The following CELF4 variants were observed in gnomAD, a reference collection of about 807,000 sequenced individuals.
CELF4 encodes CUGBP Elav-like family member 4.
In CELF4, 18 loss-of-function variants were observed where a neutral mutation model predicts 59.9. That is an observed-to-expected ratio of 0.30 (90% CI 0.21 to 0.45). The LOEUF is 0.45. CELF4 is among the 20% of genes least tolerant of loss of function. The pLI is 1.00. For synonymous variants in CELF4, 261 were observed against 267.1 expected (o/e 0.98, Z 0.22); for missense variants, 456 against 689.0 (o/e 0.66, Z 3.79).
intron 3 of CELF4, among the ~76,000 whole-genome samples, chr18:37,310,718 GC>G (rs2096614659): frequency 1.3e-5 from 2 of 152,314 alleles, no homozygotes; most frequent in South Asian, 2.1e-4. Context: ...AGTGCGGTGT[GC>G]CGGGGCCAGG....
At chr18:37,494,358 A>G (rs1203604099) in intron 1 of CELF4, among the ~76,000 whole-genome samples, 1 of 152,200 alleles carries the variant, frequency 6.6e-6, no homozygotes, top group Non-Finnish European at 1.5e-5. Flanking sequence ...GGTTCAGGAA[A>G]GTAGGGACTG....
At chr18:37,485,785 G>T (rs2099880025) in intron 1 of CELF4, 178 bp from the exon 2 acceptor site, 1 of 390,038 alleles carries the variant, frequency 2.6e-6, no homozygotes, top group Non-Finnish European at 4.5e-6. Flanking sequence ...GTTCCCGGCT[G>T]TCTGCCTCTC....
At chr18:37,306,841 C>T (rs1381012758) in intron 3 of CELF4, among the ~76,000 whole-genome samples, 2 of 152,200 alleles carry the variant, frequency 1.3e-5, no homozygotes, top group Admixed American at 1.3e-4. Flanking sequence ...GTCCCCAACA[C>T]GGCTCTGACC....
At chr18:37,403,867 C>T (rs1319002079) in intron 2 of CELF4, among the ~76,000 whole-genome samples, 4 of 152,202 alleles carry the variant, frequency 2.6e-5, no homozygotes, top group Non-Finnish European at 5.9e-5. Context: ...CTCAGCTACA[C>T]AGACTCCCCT....
At chr18:37,544,096 G>A (rs2099979634) in intron 1 of CELF4, among the ~76,000 whole-genome samples, 1 of 152,016 alleles carries the variant, frequency 6.6e-6, no homozygotes, top group African/African-American at 2.4e-5. Flanking sequence ...GAGGGCTGAG[G>A]TAAGGGCAAG....
chr18:37,505,585 G>A (rs936110139), intron 1 of CELF4, among the ~76,000 whole-genome samples: 2 of 152,156 alleles, frequency 1.3e-5, no homozygotes, highest in African/African-American at 4.8e-5. Context: ...TCTCCCAGGG[G>A]AATCCTCCCC....
chr18:37,480,525 T>A (rs527883796), intron 2 of CELF4, among the ~76,000 whole-genome samples: 2 of 152,352 alleles, frequency 1.3e-5, no homozygotes, highest in East Asian at 3.9e-4. Flanking sequence ...CCTTTATAAT[T>A]TATTCATCTT....
chr18:37,370,732 C>T (rs1025573962), intron 2 of CELF4, among the ~76,000 whole-genome samples: 5 of 152,166 alleles, frequency 3.3e-5, no homozygotes, highest in African/African-American at 1.2e-4. Context: ...TGACCCTTTT[C>T]GCAGTTGGCC....
chr18:37,554,320 C>A (rs2099984143), intron 1 of CELF4, among the ~76,000 whole-genome samples: 1 of 152,178 alleles, frequency 6.6e-6, no homozygotes, highest in Non-Finnish European at 1.5e-5. Flanking sequence ...CTGGGTGGGA[C>A]CCTGACTGTG....
At chr18:37,416,928 G>T (rs2099533748) in intron 2 of CELF4, among the ~76,000 whole-genome samples, 1 of 151,992 alleles carries the variant, frequency 6.6e-6, no homozygotes, top group African/African-American at 2.4e-5. Context: ...TGAGGGCAAG[G>T]GAAGTAGACA....
chr18:37,530,328 T>C lies in CELF4; in HGVS notation c.286+35028A>G, dbSNP rs187138372. On this transcript the variant is annotated intron_variant, in intron 1 of 12. Coordinates refer to ENST00000420428, the MANE Select transcript of CELF4 (RefSeq NM_020180.4). ...TAAGGAACTTGTGTAAGGTCTCTGG[T>C]GGGTCATCTGGCTTCAGCAGTCAGA... Among the ~76,000 whole-genome samples, 12 of 152,082 alleles carry C rather than the reference T, an allele frequency of 7.9e-5. No homozygotes were observed. The East Asian group carries it at 2.1e-3, about 27-fold the overall frequency.
chr18:37,458,339 T>C (rs2099784395), intron 2 of CELF4, among the ~76,000 whole-genome samples: 1 of 152,206 alleles, frequency 6.6e-6, no homozygotes. Context: ...TCTGGGAGTT[T>C]TCTTTGCCCT....
At chr18:37,376,619 T>C (rs1287298859) in intron 2 of CELF4, among the ~76,000 whole-genome samples, 1 of 152,174 alleles carries the variant, frequency 6.6e-6, no homozygotes, top group Non-Finnish European at 1.5e-5. Flanking sequence ...TAATCCATCA[T>C]CCTCAGGAGT....
chr18:37,339,744 ACT>A (rs1249516965), intron 2 of CELF4, among the ~76,000 whole-genome samples: 1 of 139,930 alleles, frequency 7.1e-6, no homozygotes, highest in East Asian at 2.1e-4. Flanking sequence ...ACAGACTGAG[ACT>A]CTGTCTCAAA....
At chr18:37,449,046 A>C (rs980233199) in intron 2 of CELF4, among the ~76,000 whole-genome samples, 1 of 152,206 alleles carries the variant, frequency 6.6e-6, no homozygotes, top group Non-Finnish European at 1.5e-5. Context: ...CCAAGAAACA[A>C]TGCCAGGGAG....
At chr18:37,540,106 C>G (rs576534179) in intron 1 of CELF4, among the ~76,000 whole-genome samples, 1 of 152,312 alleles carries the variant, frequency 6.6e-6, no homozygotes, top group South Asian at 2.1e-4. Flanking sequence ...TGGGCTCAGA[C>G]CCCAGAGTAT....
intron 2 of CELF4, among the ~76,000 whole-genome samples, chr18:37,332,083 T>C (rs545511117): frequency 2.8e-4 from 42 of 152,198 alleles, no homozygotes; most frequent in African/African-American, 9.6e-4. Flanking sequence ...AAACGTTTGT[T>C]CAGTTCCAGA....
chr18:37,275,978 T>A (rs1324821624), intron 3 of CELF4: 1 of 152,258 alleles, frequency 6.6e-6, no homozygotes, highest in African/African-American at 2.4e-5. Context: ...CATTTAGTGA[T>A]GAGGTGAATA....
At chr18:37,265,072 G>A (rs1235215155) in intron 9 of CELF4, among the ~76,000 whole-genome samples, 1 of 148,772 alleles carries the variant, frequency 6.7e-6, no homozygotes, top group Non-Finnish European at 1.5e-5. Context: ...AAGTGTGGGT[G>A]TACGTGTGTG....
Sources: gnomAD v4.1 joint callset for allele counts (sites outside exome capture counted in the v4.1 genomes callset) on GRCh38, gnomAD v4.1.1 for gene constraint, MANE v1.5 for transcripts, NCBI Gene and HGNC (gene_info 2026-07-23, HGNC 2026-07-21) for gene names.